Variants in KCTD19 observed in about 807,000 individuals in gnomAD.
KCTD19 encodes potassium channel tetramerization domain containing 19, also known as BTB/POZ domain-containing protein KCTD19.
Under a neutral mutation model 103.5 loss-of-function variants are expected in KCTD19, and 67 were observed. The ratio of observed to expected loss-of-function variants is 0.65; its 90% CI spans 0.53 to 0.79. KCTD19 has a LOEUF of 0.79. Among genes scored for constraint, KCTD19 ranks in the 30% least tolerant of loss-of-function variants. KCTD19 has a pLI of 0.00. For synonymous variants in KCTD19, 439 were observed against 452.2 expected (o/e 0.97, Z 0.37); for missense variants, 980 against 1,136.1 (o/e 0.86, Z 1.98).
chr16:67,294,203 A>G, intron 11 of KCTD19, 32 bp from the exon 12 acceptor site: 2 of 1,578,112 alleles, frequency 1.3e-6, no homozygotes. Context: ...AACTCTGGAT[A>G]GGTTGGGCAT....
rs118192058 is a variant in KCTD19 at position 67,301,093 on chromosome 16, T to C, written c.775+698A>G. On this transcript the variant is annotated intron_variant, in intron 5 of 15. Coordinates refer to ENST00000304372, the MANE Select transcript of KCTD19 (RefSeq NM_001100915.3). Reference sequence around the variant, plus strand: ...GCAGTTCTACACATTCTCGGGATGGTGGCTGAAGCCATGCTCAGGTAGCTT... The same window carrying C: ...GCAGTTCTACACATTCTCGGGATGGCGGCTGAAGCCATGCTCAGGTAGCTT... 36 of 152,482 alleles carry C rather than the reference T, an allele frequency of 2.4e-4. No individual in the cohort carries two copies. The East Asian group carries it at 6.9e-3, about 29-fold the overall frequency. The allele number at this position is 152,482 out of a possible 1,614,324, so 9.4% of individuals were successfully genotyped here.
intron 2 of KCTD19, among the ~76,000 whole-genome samples, chr16:67,313,770 T>C (rs2036973257): frequency 6.6e-6 from 1 of 151,936 alleles, no homozygotes; most frequent in African/African-American, 2.4e-5. Flanking sequence ...GTATTTTTAG[T>C]AGAGATGGGG....
chr16:67,324,149 GA>G (rs1472926304), intron 1 of KCTD19, among the ~76,000 whole-genome samples: 1 of 151,522 alleles, frequency 6.6e-6, no homozygotes, highest in Non-Finnish European at 1.5e-5. Flanking sequence ...AGAGGTTGTT[GA>G]AAAAAAAGTT....
chr16:67,294,819 G>A, intron 10 of KCTD19, 125 bp from the exon 11 acceptor site: 1 of 936,608 alleles, frequency 1.1e-6, no homozygotes, highest in Non-Finnish European at 1.7e-6. Context: ...GCTCTTAAAG[G>A]GTTTTGCCTA....
In KCTD19 at chr16:67,294,648, T is replaced by A. The variant is rs1482504682; in HGVS notation, c.1522A>T (p.Ile508Phe). Reference protein sequence around the residue: ...KESENEEAFSIRRLHVVTEGP... With the variant: ...KESENEEAFSFRRLHVVTEGP... ...TCTGTCACCACATGCAGCCTCCTGATGGAAAAAGCTTCTTCATTTTCAGAT... is the reference window on the plus strand; with the variant it reads ...TCTGTCACCACATGCAGCCTCCTGAAGGAAAAAGCTTCTTCATTTTCAGAT... The change falls in exon 11 of 16, where the codon ATC (isoleucine) becomes TTC (phenylalanine). Residue 508 changes from isoleucine (I) to phenylalanine (F), a missense_variant. Physicochemically the swap from Ile to Phe is conservative, Grantham distance 21 (BLOSUM62 0). Coordinates refer to ENST00000304372, the MANE Select transcript of KCTD19 (RefSeq NM_001100915.3). 1.2e-6 allele frequency: 2 copies of A among 1,614,200 alleles called. No homozygotes were observed. The highest frequency in any genetic ancestry group is 1.7e-6 in the Non-Finnish European group (2 of 1,180,030).
chr16:67,318,154 CTTTT>C (rs1219100064), intron 2 of KCTD19, among the ~76,000 whole-genome samples: 1 of 152,168 alleles, frequency 6.6e-6, no homozygotes, highest in Non-Finnish European at 1.5e-5. Context: ...GCTTTACAGT[CTTTT>C]TTTAGGGAGG....
In KCTD19 at chr16:67,320,062, C is replaced by T. The variant is rs781352131; in HGVS notation, c.300+527G>A. 5.4e-4 allele frequency among the ~76,000 whole-genome samples: 83 copies of T among 152,318 alleles called. No homozygotes were observed. Among genetic ancestry groups the T allele is most frequent in the Admixed American group, 2.6e-3 (40 of 15,296 alleles). ...TTCTGGGTCCATGGTGGCTGCTAGT[C>T]TAACTAAAGCACAGTTGGGATGAAA... On this transcript the variant is annotated intron_variant, in intron 2 of 15. Transcript: ENST00000304372. This position sits in a 1 kb window ranked among gnomAD's most constrained non-coding sequence, Gnocchi z 4.0.
At chr16:67,295,508 G>A (rs2036755252) in intron 8 of KCTD19, 103 bp from the exon 9 acceptor site, 1 of 1,105,368 alleles carries the variant, frequency 9.0e-7, no homozygotes, top group East Asian at 2.4e-5. Flanking sequence ...CTAGAGCAGA[G>A]GCTTTGAGAT....
chr16:67,324,913 A>ATTG, intron 1 of KCTD19, among the ~76,000 whole-genome samples: 1 of 152,344 alleles, frequency 6.6e-6, no homozygotes, highest in Non-Finnish European at 1.5e-5. Context: ...GCTAACCTAG[A>ATTG]ATTCTAAGTC....
rs773926468 is a variant in KCTD19 at position 67,290,928 on chromosome 16, T to C, written c.2624A>G (p.Lys875Arg). The C allele has an allele frequency of 1.2e-6, 2 of 1,614,100 alleles. No homozygotes were observed. The highest frequency in any genetic ancestry group is 2.2e-5 in the South Asian group (2 of 91,076). ...GCGCTCCTGGGTGTGCCGGTCATCCTTGAAGCCGGTGATGGCCAGCAAATC... is the reference window on the plus strand; with the variant it reads ...GCGCTCCTGGGTGTGCCGGTCATCCCTGAAGCCGGTGATGGCCAGCAAATC... ...VVDLLAITGF[K>R]DDRHTQERLY... Residue 875 changes from lysine (K) to arginine (R), a missense_variant, in exon 15 of 16, where the codon AAG becomes AGG. By Grantham distance (26) the Lys-to-Arg change is conservative. Coordinates refer to ENST00000304372, the MANE Select transcript of KCTD19 (RefSeq NM_001100915.3).
Position 67,299,344 on chromosome 16 carries a change from G to T in KCTD19, c.986+19C>A, listed in dbSNP as rs2036805531. ...AGCCAAGGGTGATGGGACTCAGTGT[G>T]CCCTAAGGAGGACCTCACTTGACGT... is the stretch of plus-strand genomic sequence containing the variant. On this transcript the variant is annotated intron_variant, in intron 6 of 15. Transcript: ENST00000304372. The T allele has an allele frequency of 6.2e-7, 1 of 1,610,492 alleles. No homozygotes were observed. Among genetic ancestry groups the T allele is most frequent in the Non-Finnish European group, 8.5e-7 (1 of 1,176,664 alleles).
intron 1 of KCTD19, among the ~76,000 whole-genome samples, chr16:67,321,248 A>T (rs756969771): frequency 3.3e-5 from 5 of 152,258 alleles, no homozygotes; most frequent in African/African-American, 7.2e-5. Flanking sequence ...AGCAATATTT[A>T]AAAATGTTGT....
chr16:67,314,012 A>G (rs1447778110), intron 2 of KCTD19, among the ~76,000 whole-genome samples: 1 of 152,008 alleles, frequency 6.6e-6, no homozygotes, highest in Non-Finnish European at 1.5e-5. Flanking sequence ...ACATGCTACC[A>G]TGCCTGGATA....
chr16:67,313,111 AT>A (rs59772510), intron 2 of KCTD19, among the ~76,000 whole-genome samples: 30,966 of 143,878 alleles, frequency 0.22, 6,263 homozygotes, highest in African/African-American at 0.55. Context: ...TGAAATTAGA[AT>A]TTTTTTTTTT....
intron 15 of KCTD19, among the ~76,000 whole-genome samples, chr16:67,290,627 G>A (rs957336561): frequency 3.9e-5 from 6 of 152,190 alleles, no homozygotes; most frequent in Middle Eastern, 6.3e-3. Context: ...GTCCCTAAGT[G>A]TGGCCAGGGT....
intron 11 of KCTD19, 108 bp from the exon 12 acceptor site, chr16:67,294,279 A>G: frequency 8.3e-7 from 1 of 1,210,916 alleles, no homozygotes; most frequent in South Asian, 1.4e-5. Flanking sequence ...CTCTCCCTGA[A>G]CAATCCCATC....
At position 67,291,455 on chromosome 16, in the gene KCTD19, A is replaced by C. The variant is rs376304788; in HGVS notation, c.2419T>G (p.Phe807Val). The C allele has an allele frequency of 1.2e-6, 2 of 1,613,782 alleles. No homozygotes were observed. Among genetic ancestry groups the C allele is most frequent in the Admixed American group, 3.3e-5 (2 of 59,972 alleles). ...TASPQPQEVT[F>V]LSFSLSWEEM... ...TCCCAGGACAGAGAGAAACTCAGGA[A>C]AGTCACTTCTGTGGAGGAGGGAAAG... The change falls in exon 14 of 16, where the codon TTC (phenylalanine) becomes GTC (valine). Residue 807 changes from phenylalanine (F) to valine (V), a missense_variant. Transcript: ENST00000304372.
In KCTD19 at chr16:67,320,925, A is replaced by C; in HGVS notation, c.4-40T>G. On this transcript the variant is annotated intron_variant, in intron 1 of 15. Coordinates refer to ENST00000304372, the MANE Select transcript of KCTD19 (RefSeq NM_001100915.3). The surrounding 1 kb of genome is among the most constrained non-coding windows in gnomAD (Gnocchi z 4.0). ...AAAAAGAGATCTACGCAAGAAAAAG[A>C]AATAAAAAGGCATCCAGATTGAAAA... 1 of 1,531,044 alleles carries C rather than the reference A, an allele frequency of 6.5e-7. No homozygotes were observed. The highest frequency in any genetic ancestry group is 8.8e-7 in the Non-Finnish European group (1 of 1,133,402). The allele number at this position is 1,531,044 out of a possible 1,614,324, so 94.8% of individuals were successfully genotyped here.
Position 67,320,268 on chromosome 16 carries a change from C to T in KCTD19, c.300+321G>A, listed in dbSNP as rs1383360174. On this transcript the variant is annotated intron_variant, in intron 2 of 15. Transcript: ENST00000304372. The surrounding 1 kb of genome is among the most constrained non-coding windows in gnomAD (Gnocchi z 4.0). The stretch of plus-strand genomic sequence containing the variant: ...GGGCATGGTGGCATGCACCTGTGTT[C>T]CCAGCTACTCAGAGGGACTGAGGTG... 1.3e-5 allele frequency among the ~76,000 whole-genome samples: 2 copies of T among 152,082 alleles called. No individual in the cohort carries two copies. Among genetic ancestry groups the T allele is most frequent in the African/African-American group, 4.8e-5 (2 of 41,404 alleles).
Sources: allele counts gnomAD v4.1 joint callset (sites outside exome capture counted in the v4.1 genomes callset), GRCh38; gene constraint gnomAD v4.1.1; non-coding constraint Gnocchi (gnomAD v3.1); transcripts MANE v1.5; gene names NCBI Gene and HGNC (gene_info 2026-07-23, HGNC 2026-07-21).